LHFPL3: variants seen among roughly 807,000 people sequenced by gnomAD.
LHFPL3 encodes the protein LHFPL tetraspan subfamily member 3, also known as LHFPL tetraspan subfamily member 3 protein.
A neutral mutation model predicts 19.3 loss-of-function variants in LHFPL3; 5 were observed. The observed-to-expected ratio is 0.26, with a 90% CI of 0.14 to 0.54. The LOEUF (loss-of-function observed/expected upper bound fraction) is 0.54, where lower values mean the gene tolerates loss of function less well. LHFPL3 is among the 20% of genes least tolerant of loss of function. The probability of loss-of-function intolerance (pLI) is 0.94; values close to 1 mark genes in which losing one functional copy is unlikely to be tolerated. For synonymous variants in LHFPL3, 133 were observed against 126.2 expected (o/e 1.05, Z -0.36); for missense variants, 249 against 307.4 (o/e 0.81, Z 1.42).
At chr7:104,706,561 T>C (rs1316748212) in intron 1 of LHFPL3, among the ~76,000 whole-genome samples, 1 of 152,200 alleles carries the variant, frequency 6.6e-6, no homozygotes, top group Admixed American at 6.5e-5. Context: ...TTAAGTTCAG[T>C]AAAGATTGCA....
chr7:104,345,110 T>A (rs1349140650), intron 1 of LHFPL3, among the ~76,000 whole-genome samples: 1 of 152,218 alleles, frequency 6.6e-6, no homozygotes, highest in East Asian at 1.9e-4. Context: ...CTAGGCTTTT[T>A]ATTTCATCTT....
chr7:104,603,446 C>T (rs150913772), intron 1 of LHFPL3, among the ~76,000 whole-genome samples: 575 of 152,132 alleles, frequency 3.8e-3, no homozygotes, highest in African/African-American at 0.013. Flanking sequence ...ACCCCTGGCC[C>T]CCAAAATTCA....
intron 1 of LHFPL3, among the ~76,000 whole-genome samples, chr7:104,430,383 C>CATATATAT: frequency 2.5e-5 from 1 of 39,686 alleles, no homozygotes; most frequent in South Asian, 1.0e-3. Flanking sequence ...TATATATATA[C>CATATATAT]ATATATATAT....
chr7:104,560,973 T>C (rs971578861), intron 1 of LHFPL3, among the ~76,000 whole-genome samples: 6 of 150,284 alleles, frequency 4.0e-5, no homozygotes, highest in Admixed American at 3.3e-4. Context: ...TTGTTCAGTT[T>C]CCATGTAGTT....
In LHFPL3 at chr7:104,819,935, G is replaced by A. The variant is rs369918960; in HGVS notation, c.682+83024G>A. Reference sequence around the variant, plus strand: ...CTGGCCCCAACAGAAGGGCAAATACGATCAAAGCAATATACAAAACGAGCC... The same window carrying A: ...CTGGCCCCAACAGAAGGGCAAATACAATCAAAGCAATATACAAAACGAGCC... On this transcript the variant is annotated intron_variant, in intron 2 of 2. Coordinates refer to ENST00000424859, the MANE Select transcript of LHFPL3 (RefSeq NM_199000.3). 1.1e-3 allele frequency among the ~76,000 whole-genome samples: 160 copies of A among 152,216 alleles called. 1 individual carries two copies. The highest frequency in any genetic ancestry group is 3.5e-3 in the African/African-American group (145 of 41,532).
At chr7:104,538,045 C>T (rs572087508) in intron 1 of LHFPL3, among the ~76,000 whole-genome samples, 190 of 152,260 alleles carry the variant, frequency 1.2e-3, no homozygotes, top group Admixed American at 2.6e-3. Context: ...AAACTCTGAA[C>T]TTCAGGTTTC....
intron 1 of LHFPL3, among the ~76,000 whole-genome samples, chr7:104,573,544 A>G (rs951566042): frequency 6.6e-6 from 1 of 152,224 alleles, no homozygotes; most frequent in African/African-American, 2.4e-5. Context: ...AACTAGTGTG[A>G]GATCATTTTC....
intron 2 of LHFPL3, among the ~76,000 whole-genome samples, chr7:104,763,269 G>A (rs1211690212): frequency 1.3e-5 from 2 of 152,180 alleles, no homozygotes; most frequent in African/African-American, 2.4e-5. Context: ...ATTTCTTTGT[G>A]TTGGTCTCTG....
intron 1 of LHFPL3, among the ~76,000 whole-genome samples, chr7:104,639,570 T>TA (rs1791791310): frequency 6.6e-6 from 1 of 152,216 alleles, no homozygotes; most frequent in Admixed American, 6.5e-5. Flanking sequence ...CAACTATTTT[T>TA]ATGTGTAATA....
At chr7:104,839,772 G>T (rs144735239) in intron 2 of LHFPL3, among the ~76,000 whole-genome samples, 9 of 152,292 alleles carry the variant, frequency 5.9e-5, no homozygotes, top group Admixed American at 2.0e-4. Context: ...AAGTCTCTCT[G>T]CACTCAGAGG....
intron 1 of LHFPL3, among the ~76,000 whole-genome samples, chr7:104,663,755 G>C (rs1792275178): frequency 6.6e-6 from 1 of 152,214 alleles, no homozygotes; most frequent in Non-Finnish European, 1.5e-5. Flanking sequence ...ATATATTACA[G>C]AGACAAATTT....
chr7:104,585,831 C>A (rs1027279389), intron 1 of LHFPL3, among the ~76,000 whole-genome samples: 1 of 151,820 alleles, frequency 6.6e-6, no homozygotes, highest in African/African-American at 2.4e-5. Context: ...AAACAACAAC[C>A]TTTTTAAAAA....
intron 1 of LHFPL3, among the ~76,000 whole-genome samples, chr7:104,733,317 T>A (rs1210347658): frequency 5.9e-5 from 9 of 152,152 alleles, no homozygotes. Context: ...ATGTAGAGAG[T>A]GGGGTGTTAA....
At chr7:104,680,522 A>C (rs1792675439) in intron 1 of LHFPL3, among the ~76,000 whole-genome samples, 1 of 152,166 alleles carries the variant, frequency 6.6e-6, no homozygotes, top group Admixed American at 6.5e-5. Flanking sequence ...CTCCCTATCA[A>C]GCCCTACCAT....
At chr7:104,769,920 A>G (rs1467949877) in intron 2 of LHFPL3, among the ~76,000 whole-genome samples, 2 of 152,208 alleles carry the variant, frequency 1.3e-5, no homozygotes, top group African/African-American at 4.8e-5. Flanking sequence ...GCAATTTCAT[A>G]TGGTTCAATC....
intron 1 of LHFPL3, among the ~76,000 whole-genome samples, chr7:104,418,518 T>TGA (rs1462494499): frequency 8.5e-5 from 13 of 152,074 alleles, no homozygotes; most frequent in Non-Finnish European, 2.9e-5. Flanking sequence ...GGCAACAGAG[T>TGA]GAGACCCTGT....
intron 1 of LHFPL3, among the ~76,000 whole-genome samples, chr7:104,396,414 A>G (rs759119925): frequency 6.6e-6 from 1 of 152,128 alleles, no homozygotes; most frequent in Non-Finnish European, 1.5e-5. Context: ...CTATGGTAAG[A>G]TACAGAGAAG....
intron 1 of LHFPL3, among the ~76,000 whole-genome samples, chr7:104,595,184 C>T (rs1017730698): frequency 1.3e-5 from 2 of 152,162 alleles, no homozygotes; most frequent in African/African-American, 4.8e-5. Context: ...GTTATATCTA[C>T]CTTTGGTCTT....
At chr7:104,403,725 T>TTCTCTCTCTCTCTCTCTCTCTCTC (rs71786184) in intron 1 of LHFPL3, among the ~76,000 whole-genome samples, 6 of 143,704 alleles carry the variant, frequency 4.2e-5, no homozygotes, top group African/African-American at 1.6e-4. Flanking sequence ...TTAGTGAACA[T>TTCTCTCTCTCTCTCTCTCTCTCTC]TCTCTCTCTC....
Sources: allele counts gnomAD v4.1 joint callset (sites outside exome capture counted in the v4.1 genomes callset), GRCh38; gene constraint gnomAD v4.1.1; transcripts MANE v1.5; gene names NCBI Gene and HGNC (gene_info 2026-07-23, HGNC 2026-07-21).